The following DIAPH3 variants were observed in gnomAD, a reference collection of about 807,000 sequenced individuals.
The protein encoded by DIAPH3 is diaphanous related formin 3, also known as protein diaphanous homolog 3.
A neutral mutation model predicts 144.3 loss-of-function variants in DIAPH3; 117 were observed. The ratio of observed to expected loss-of-function variants is 0.81; its 90% CI spans 0.70 to 0.95. The LOEUF is 0.95. DIAPH3 is among the 40% of genes least tolerant of loss of function. The pLI, the probability that DIAPH3 is intolerant of heterozygous loss-of-function variation, is 0.00. For missense variants in DIAPH3, 1,421 were observed against 1,412.7 expected (o/e 1.01, Z -0.09); for synonymous variants, 519 against 488.9 (o/e 1.06, Z -0.81).
At chr13:59,989,507 T>G (rs1442874274) in intron 12 of DIAPH3, among the ~76,000 whole-genome samples, 1 of 151,824 alleles carries the variant, frequency 6.6e-6, no homozygotes, top group African/African-American at 2.4e-5. Flanking sequence ...GAACACTGCC[T>G]TTGTGGCAAC....
At chr13:60,084,477 A>C (rs2057684420) in intron 4 of DIAPH3, among the ~76,000 whole-genome samples, 1 of 152,100 alleles carries the variant, frequency 6.6e-6, no homozygotes, top group Admixed American at 6.6e-5. Context: ...CCTAAATAAA[A>C]ATAAAAAAAA....
intron 17 of DIAPH3, among the ~76,000 whole-genome samples, chr13:59,965,748 T>C (rs2050010186): frequency 6.6e-6 from 1 of 152,176 alleles, no homozygotes; most frequent in Admixed American, 6.5e-5. Context: ...CTTGTTATTA[T>C]GCTTCAACTA....
chr13:60,122,377 G>A (rs2058869663), intron 2 of DIAPH3, among the ~76,000 whole-genome samples: 1 of 152,162 alleles, frequency 6.6e-6, no homozygotes, highest in Non-Finnish European at 1.5e-5. Flanking sequence ...TGAGTTAGAT[G>A]CTCAAAGACT....
At chr13:59,746,917 G>GC in intron 27 of DIAPH3, among the ~76,000 whole-genome samples, 1 of 152,200 alleles carries the variant, frequency 6.6e-6, no homozygotes, top group African/African-American at 2.4e-5. Context: ...ATGAATTTAT[G>GC]TTTTAAAAAG....
chr13:59,858,581 T>C (rs181149594), intron 22 of DIAPH3, among the ~76,000 whole-genome samples: 3 of 152,284 alleles, frequency 2.0e-5, no homozygotes, highest in Admixed American at 2.0e-4. Context: ...TAGTTTTATT[T>C]TAATATACTC....
intron 4 of DIAPH3, among the ~76,000 whole-genome samples, chr13:60,085,705 T>G (rs1257482587): frequency 6.6e-6 from 1 of 152,192 alleles, no homozygotes; most frequent in Non-Finnish European, 1.5e-5. Flanking sequence ...TTTATTTTCT[T>G]AAATTTTCAC....
At chr13:59,863,052 G>T (rs1208884690) in intron 21 of DIAPH3, among the ~76,000 whole-genome samples, 1 of 152,128 alleles carries the variant, frequency 6.6e-6, no homozygotes, top group East Asian at 1.9e-4. Context: ...TTACGGGCTT[G>T]AGACGACCAG....
intron 4 of DIAPH3, among the ~76,000 whole-genome samples, chr13:60,076,994 A>G (rs1247606434): frequency 6.6e-6 from 1 of 152,130 alleles, no homozygotes; most frequent in Non-Finnish European, 1.5e-5. Flanking sequence ...AAACAAAGCA[A>G]TAAAATAGTA....
intron 17 of DIAPH3, among the ~76,000 whole-genome samples, chr13:59,944,456 A>C (rs1007048093): frequency 2.6e-5 from 4 of 152,192 alleles, no homozygotes; most frequent in Admixed American, 2.6e-4. Flanking sequence ...TAAGTTTTCC[A>C]TACAGTGTAG....
intron 19 of DIAPH3, among the ~76,000 whole-genome samples, chr13:59,914,212 C>T (rs886973056): frequency 2.0e-5 from 3 of 151,924 alleles, no homozygotes; most frequent in African/African-American, 7.2e-5. Context: ...CACAGAGAAC[C>T]AAAATCATGA....
chr13:60,028,342 C>T lies in DIAPH3; in HGVS notation c.627-12197G>A, dbSNP rs118036532. Among the ~76,000 whole-genome samples, 1,160 of 152,146 alleles carry T rather than the reference C, an allele frequency of 7.6e-3. 3 individuals are homozygous for T. Among genetic ancestry groups the T allele is most frequent in the Non-Finnish European group, 0.011 (766 of 67,992 alleles). Reference sequence around the variant, plus strand: ...CAAAAAAATCTATTTTCTAAAAGGACGCCAACAACCTTCCTCTTGCCAGTT... The same window carrying T: ...CAAAAAAATCTATTTTCTAAAAGGATGCCAACAACCTTCCTCTTGCCAGTT... On this transcript the variant is annotated intron_variant, in intron 5 of 27. Coordinates refer to ENST00000400324, the MANE Select transcript of DIAPH3 (RefSeq NM_001042517.2).
At chr13:60,056,347 T>G (rs1350275604) in intron 4 of DIAPH3, among the ~76,000 whole-genome samples, 1 of 151,486 alleles carries the variant, frequency 6.6e-6, no homozygotes. Context: ...TAGACATAGA[T>G]AGATGAAAAG....
At chr13:59,687,191 A>G (rs1284264796) in intron 27 of DIAPH3, among the ~76,000 whole-genome samples, 1 of 152,130 alleles carries the variant, frequency 6.6e-6, no homozygotes, top group Non-Finnish European at 1.5e-5. Flanking sequence ...CATTTATGGT[A>G]ATACCACAGC....
In DIAPH3 at chr13:59,833,083, TAAAAA is replaced by T; in HGVS notation, c.3027+19_3027+23del. 1 of 1,595,788 alleles carries T rather than the reference TAAAAA, an allele frequency of 6.3e-7. No individual in the cohort carries two copies. The highest frequency in any genetic ancestry group is 8.5e-7 in the Non-Finnish European group (1 of 1,170,754). On this transcript the variant is annotated intron_variant, in intron 24 of 27. Transcript: ENST00000400324. ...AGATAGTATAAATAAAAAAACTTTT[TAAAAA>T]ACAATTTTTTTACCATACCATGAAT...
At chr13:60,061,552 CAAGA>C (rs1319712355) in intron 4 of DIAPH3, among the ~76,000 whole-genome samples, 5 of 149,390 alleles carry the variant, frequency 3.3e-5, no homozygotes, top group African/African-American at 4.9e-5. Context: ...AAAAAAAAAT[CAAGA>C]AAGAAACAGC....
chr13:59,999,876 T>C (rs2052421928), intron 9 of DIAPH3, among the ~76,000 whole-genome samples: 1 of 152,150 alleles, frequency 6.6e-6, no homozygotes, highest in Admixed American at 6.6e-5. Context: ...TTGCTTCTCA[T>C]AGAACCAAGA....
At chr13:60,051,223 T>G (rs1594516937) in intron 4 of DIAPH3, among the ~76,000 whole-genome samples, 2 of 147,940 alleles carry the variant, frequency 1.4e-5, no homozygotes, top group African/African-American at 2.5e-5. Context: ...TTGGGGGGAG[T>G]GGGAAAAAAA....
At chr13:60,036,010 A>G (rs2055182658) in intron 5 of DIAPH3, among the ~76,000 whole-genome samples, 1 of 151,444 alleles carries the variant, frequency 6.6e-6, no homozygotes, top group Non-Finnish European at 1.5e-5. Context: ...GACATACTTC[A>G]CCTCTCCTTT....
At chr13:59,682,427 T>A (rs187394104) in intron 27 of DIAPH3, among the ~76,000 whole-genome samples, 6 of 152,266 alleles carry the variant, frequency 3.9e-5, no homozygotes, top group Non-Finnish European at 7.4e-5. Context: ...GCTCAAGTGA[T>A]CCTCCCCCTT....
Sources: allele counts gnomAD v4.1 joint callset (sites outside exome capture counted in the v4.1 genomes callset), GRCh38; gene constraint gnomAD v4.1.1; transcripts MANE v1.5; gene names NCBI Gene and HGNC (gene_info 2026-07-23, HGNC 2026-07-21).